Variants in PCNT observed in about 807,000 individuals in gnomAD.
PCNT encodes the protein kendrin.
In PCNT, 319 loss-of-function variants were observed where a neutral mutation model predicts 380.4. The observed-to-expected ratio is 0.84, with a 90% CI of 0.77 to 0.92. The LOEUF is 0.92. PCNT is among the 40% of genes least tolerant of loss of function. The probability of loss-of-function intolerance (pLI) is 0.00; values close to 1 mark genes in which losing one functional copy is unlikely to be tolerated. For missense variants in PCNT, 4,400 were observed against 4,255.3 expected (o/e 1.03, Z -0.95); for synonymous variants, 1,845 against 1,735.2 (o/e 1.06, Z -1.57).
intron 32 of PCNT, among the ~76,000 whole-genome samples, chr21:46,423,238 T>G (rs13047818): frequency 0.12 from 18,697 of 150,216 alleles, 1,247 homozygotes; most frequent in East Asian, 0.21. Flanking sequence ...AGTCTCACTC[T>G]GTCACCCAGC....
chr21:46,440,905 T>G lies in PCNT; in HGVS notation c.9444T>G (p.Ala3148=). 1.9e-6 allele frequency: 3 copies of G among 1,613,726 alleles called. No individual in the cohort carries two copies. Among genetic ancestry groups the G allele is most frequent in the Non-Finnish European group, 2.5e-6 (3 of 1,179,596 alleles). ...HYLRAESFRK[A]LIYQKKYLLL... is the part of the protein sequence containing the mutation. ...TGAGAGCAGAGAGCTTTAGAAAAGC[T>G]CTGATTTATCAAAAGAAGTATCTTT... is the stretch of plus-strand genomic sequence containing the variant. Residue 3148 remains alanine, a synonymous_variant, in exon 43 of 47, where the codon GCT becomes GCG. Transcript: ENST00000359568.
At chr21:46,408,438 C>A (rs1296434464) in intron 27 of PCNT, among the ~76,000 whole-genome samples, 4 of 152,222 alleles carry the variant, frequency 2.6e-5, no homozygotes, top group Non-Finnish European at 5.9e-5. Context: ...ATGGCTGATT[C>A]ATGTGTAAGT....
At chr21:46,409,943 G>A (rs1297572867) in intron 27 of PCNT, among the ~76,000 whole-genome samples, 4 of 152,210 alleles carry the variant, frequency 2.6e-5, no homozygotes, top group Admixed American at 2.0e-4. Flanking sequence ...AGCTACCTTC[G>A]TATGCTGGCT....
chr21:46,324,186 C>G lies in PCNT; in HGVS notation c.-43C>G. ...AAATAGAGCGAAGGCTGCTCTGTGT[C>G]AGCCCCGTCACCGCCGGGCGGCCCG... On this transcript the variant is annotated 5_prime_UTR_variant, in exon 1 of 47. Transcript: ENST00000359568. 3 of 1,560,292 alleles carry G rather than the reference C, an allele frequency of 1.9e-6. No individual in the cohort carries two copies. The highest frequency in any genetic ancestry group is 1.1e-5 in the South Asian group (1 of 87,662).
chr21:46,334,403 G>A lies in PCNT; in HGVS notation c.274G>A (p.Asp92Asn). 6.2e-7 allele frequency: 1 copy of A among 1,614,178 alleles called. No individual in the cohort carries two copies. Among genetic ancestry groups the A allele is most frequent in the Non-Finnish European group, 8.5e-7 (1 of 1,180,016 alleles). The change falls in exon 3 of 47, where the codon GAC becomes AAC. Residue 92 changes from aspartate to asparagine, a missense_variant. Transcript: ENST00000359568. ...CTGGTCCTCCCCTTCTTAGCCGGAG[G>A]ACTGTGATGGAGAGAAGAGAGAGGA... ...AGGAFAAQPE[D>N]CDGEKREDLE...
At chr21:46,402,630 CGATTCTG>C in intron 27 of PCNT, 147 bp downstream of exon 27, 1 of 789,788 alleles carries the variant, frequency 1.3e-6, no homozygotes. Flanking sequence ...AGAGAGCGCC[CGATTCTG>C]CCTGGGGACA....
At chr21:46,347,404 C>T (rs904021511) in intron 5 of PCNT, 53 bp from the exon 6 acceptor site, 1 of 1,587,502 alleles carries the variant, frequency 6.3e-7, no homozygotes, top group African/African-American at 1.3e-5. Flanking sequence ...GCAGTTGGGT[C>T]ACTGAAAAGG....
intron 1 of PCNT, among the ~76,000 whole-genome samples, chr21:46,325,607 T>G (rs548209169): frequency 3.9e-5 from 6 of 152,234 alleles, no homozygotes; most frequent in Admixed American, 3.9e-4. Context: ...ACTTGTGTTA[T>G]CATTTACACA....
intron 15 of PCNT, among the ~76,000 whole-genome samples, chr21:46,376,788 A>G (rs1304823921): frequency 6.6e-6 from 1 of 152,222 alleles, no homozygotes; most frequent in East Asian, 1.9e-4. Flanking sequence ...CAGCAAGGTA[A>G]TTAAAGTTCT....
At chr21:46,347,435 C>G in intron 5 of PCNT, 22 bp from the exon 6 acceptor site, 2 of 1,613,732 alleles carry the variant, frequency 1.2e-6, no homozygotes, top group Non-Finnish European at 1.7e-6. Context: ...GTGGCCTGAG[C>G]TGCTTTTTGT....
At chr21:46,397,575 A>C (rs916499735) in intron 22 of PCNT, 81 bp downstream of exon 22, 2 of 1,185,606 alleles carry the variant, frequency 1.7e-6, no homozygotes, top group Non-Finnish European at 2.5e-6. Flanking sequence ...ATCGTTACGT[A>C]AGCTTCTGCA....
In PCNT at chr21:46,381,194, CTCTGTG is replaced by C. The variant is rs1279642734; in HGVS notation, c.3166-498_3166-493del. On this transcript the variant is annotated intron_variant, in intron 15 of 46. Transcript: ENST00000359568. Reference sequence around the variant, plus strand: ...CCTTCCAAAAAAAAAAAAAAAAAATCTCTGTGTGTGTGTGTGTGTGTGTGTGTGTGT... The same window carrying C: ...CCTTCCAAAAAAAAAAAAAAAAAATCTGTGTGTGTGTGTGTGTGTGTGTGT... Among the ~76,000 whole-genome samples the C allele has an allele frequency of 2.7e-3, 196 of 72,898 alleles. 4 individuals carry two copies. The highest frequency in any genetic ancestry group is 3.7e-3 in the Non-Finnish European group (152 of 40,748). 47.8% of individuals were successfully genotyped at this position (72,898 alleles called of 152,430 possible). A position where few individuals can be genotyped will look rare whatever the true frequency, so the allele number is the denominator to read the frequency against.
In PCNT at chr21:46,411,396, C is replaced by G. The variant is rs147409139; in HGVS notation, c.5323C>G (p.Leu1775Val). 5.0e-5 allele frequency: 80 copies of G among 1,613,740 alleles called. No individual in the cohort carries two copies. Among genetic ancestry groups the G allele is most frequent in the Non-Finnish European group, 6.4e-5 (75 of 1,180,006 alleles). ...DSQAGSLQSELLCSQAGGPRG... is the reference protein window; with the variant it reads ...DSQAGSLQSEVLCSQAGGPRG... ...TCAGGCTGGCAGTCTGCAGAGCGAG[C>G]TGCTCTGCTCCCAGGCCGGGGGCCC... The change falls in exon 28 of 47, where the codon CTG (leucine) becomes GTG (valine). Residue 1775 changes from leucine (L) to valine (V), a missense_variant. Physicochemically the swap from Leu to Val is conservative, Grantham distance 32. Coordinates refer to ENST00000359568, the MANE Select transcript of PCNT (RefSeq NM_006031.6).
intron 13 of PCNT, among the ~76,000 whole-genome samples, chr21:46,360,156 C>G (rs954388429): frequency 4.0e-5 from 6 of 148,930 alleles, no homozygotes; most frequent in Non-Finnish European, 8.9e-5. Context: ...TGCACCTGGC[C>G]TACTTTTAAT....
At chr21:46,413,994 CTTTT>C (rs5844268) in intron 29 of PCNT, among the ~76,000 whole-genome samples, 3 of 139,016 alleles carry the variant, frequency 2.2e-5, no homozygotes. Context: ...TTTTTTCTCT[CTTTT>C]TTTTTTTTTT....
In PCNT at chr21:46,363,342, A is replaced by G. The variant is rs116854707; in HGVS notation, c.2155-138A>G. ...TTCCATTGTCATCAACATGAGAATC[A>G]TTCCTGTTGCTGTGTGCAGCGTAAT... On this transcript the variant is annotated intron_variant, in intron 13 of 46. Transcript: ENST00000359568. 1,371 of 713,288 alleles carry G rather than the reference A, an allele frequency of 1.9e-3. 13 individuals are homozygous for G. The East Asian group carries it at 0.029, about 15-fold the overall frequency. The allele number at this position is 713,288 out of a possible 1,614,324, so 44.2% of individuals were successfully genotyped here.
chr21:46,362,448 G>A (rs369779246), intron 13 of PCNT, among the ~76,000 whole-genome samples: 2 of 152,244 alleles, frequency 1.3e-5, no homozygotes, highest in East Asian at 3.9e-4. Context: ...TTTTTTGTAC[G>A]TTCTGTTCAG....
chr21:46,397,171 G>A (rs537853474), intron 21 of PCNT, 94 bp from the exon 22 acceptor site: 3 of 1,012,844 alleles, frequency 3.0e-6, no homozygotes, highest in South Asian at 1.3e-5. Flanking sequence ...TTTTCGGTGG[G>A]TTTTGACTGA....
intron 3 of PCNT, among the ~76,000 whole-genome samples, chr21:46,336,979 T>C (rs2083760026): frequency 1.0e-5 from 1 of 98,446 alleles, no homozygotes; most frequent in Non-Finnish European, 2.5e-5. Flanking sequence ...AATTAGAAGG[T>C]TGTTTTTTTT....
Sources: gnomAD v4.1 joint callset for allele counts (sites outside exome capture counted in the v4.1 genomes callset) on GRCh38, gnomAD v4.1.1 for gene constraint, MANE v1.5 for transcripts, NCBI Gene and HGNC (gene_info 2026-07-23, HGNC 2026-07-21) for gene names.